HSPA8: variants seen among roughly 807,000 people sequenced by gnomAD.
The protein encoded by HSPA8 is heat shock protein family A (Hsp70) member 8, also known as heat shock cognate 71 kDa protein.
In HSPA8, 2 loss-of-function variants were observed where a neutral mutation model predicts 52.8. The ratio of observed to expected loss-of-function variants is 0.04; its 90% CI spans 0.02 to 0.12. HSPA8 has a LOEUF of 0.12. Among genes scored for constraint, HSPA8 ranks in the 10% least tolerant of loss-of-function variants. The pLI is 1.00. For synonymous variants in HSPA8, 436 were observed against 274.0 expected, an observed-to-expected ratio of 1.59 and a Z score of -5.84; for missense variants, 349 against 800.5, an observed-to-expected ratio of 0.44 and a Z score of 6.81.
chr11:123,061,906 A>T (rs1284007697), intron 1 of HSPA8, 158 bp downstream of exon 1: 2 of 157,644 alleles, frequency 1.3e-5, no homozygotes, highest in East Asian at 3.8e-4. Flanking sequence ...TACCGCTGCC[A>T]TCCCACCGAA....
chr11:123,060,841 C>T (rs373684804), intron 2 of HSPA8, 43 bp from the exon 3 acceptor site: 6 of 1,551,218 alleles, frequency 3.9e-6, no homozygotes, highest in Admixed American at 1.7e-5. Flanking sequence ...TTTCATAGCT[C>T]TTCTGATAAA....
At chr11:123,061,380 C>T (rs1565369804) in intron 1 of HSPA8, 51 bp from the exon 2 acceptor site, 1 of 1,381,602 alleles carries the variant, frequency 7.2e-7, no homozygotes. Context: ...AAAATATTTC[C>T]CTCATCCCTT....
At chr11:123,060,966 G>A in intron 2 of HSPA8, 154 bp downstream of exon 2, 1 of 896,414 alleles carries the variant, frequency 1.1e-6, no homozygotes, top group Non-Finnish European at 1.7e-6. Flanking sequence ...ATTTCAGCCT[G>A]AAAGGTTTCT....
rs570819499 is a variant in HSPA8, at chr11:123,060,752, C to T, written c.252G>A (p.Gln84=). Reference sequence around the variant, plus strand: ...TAAAGGGCCAATGTTTCATATCAGACTGGACAACAGCATCATCAAATCTGC... The same window carrying T: ...TAAAGGGCCAATGTTTCATATCAGATTGGACAACAGCATCATCAAATCTGC... ...IGRRFDDAVV[Q]SDMKHWPFMV... The change falls in exon 3 of 9, where the codon CAG becomes CAA. Residue 84 remains glutamine, a synonymous_variant. Transcript: ENST00000534624. The T allele has an allele frequency of 6.2e-7, 1 of 1,614,068 alleles. No individual in the cohort carries two copies. The highest frequency in any genetic ancestry group is 2.2e-5 in the East Asian group (1 of 44,876).
chr11:123,059,034 A>G (rs1243456089), intron 6 of HSPA8, 25 bp downstream of exon 6: 2 of 1,596,444 alleles, frequency 1.3e-6, no homozygotes, highest in South Asian at 2.2e-5. Flanking sequence ...TCAGTAAGCC[A>G]AACAAGAGAA....
chr11:123,057,696 A>C lies in HSPA8; in HGVS notation c.*38T>G, dbSNP rs781510219. 1 of 1,521,966 alleles carries C rather than the reference A, an allele frequency of 6.6e-7. No homozygotes were observed. 94.3% of individuals were successfully genotyped at this position (1,521,966 alleles called of 1,614,324 possible). A position where few individuals can be genotyped will look rare whatever the true frequency, so the allele number is the denominator to read the frequency against. ...CGAATTTAGGTCCTTCAAATGTTTT[A>C]AATGTGTGGAACAATGCTACATCTA... On this transcript the variant is annotated 3_prime_UTR_variant, in exon 9 of 9. Transcript: ENST00000534624.
In HSPA8 at chr11:123,059,646, G is replaced by A; in HGVS notation, c.947C>T (p.Pro316Leu). Residue 316 changes from proline (P) to leucine (L), a missense_variant, in exon 5 of 9, where the codon CCA becomes CTA. Physicochemically the swap from Pro to Leu is moderately conservative, Grantham distance 98. Coordinates refer to ENST00000534624, the MANE Select transcript of HSPA8 (RefSeq NM_006597.6). ...NADLFRGTLD[P>L]VEKALRDAKL... The stretch of plus-strand genomic sequence containing the variant: ...GGCATCTCGAAGGGCTTTCTCTACT[G>A]GGTCCAGGGTGCCACGGAACAGGTC... The A allele has an allele frequency of 6.2e-7, 1 of 1,614,078 alleles. No homozygotes were observed. Among genetic ancestry groups the A allele is most frequent in the Non-Finnish European group, 8.5e-7 (1 of 1,179,986 alleles).
chr11:123,058,965 C>T (rs1471162815), intron 6 of HSPA8, 94 bp downstream of exon 6: 6 of 1,410,502 alleles, frequency 4.3e-6, no homozygotes, highest in South Asian at 1.2e-5. Context: ...GTGGAAACTA[C>T]GAATGGTTTT....
intron 8 of HSPA8, 110 bp from the exon 9 acceptor site, chr11:123,058,029 C>T (rs1865360914): frequency 2.4e-6 from 2 of 847,538 alleles, no homozygotes; most frequent in African/African-American, 1.7e-5. Context: ...TACAAGAGGG[C>T]CACTACCAAC....
chr11:123,059,896 A>G lies in HSPA8; in HGVS notation c.697T>C (p.Phe233Leu). The G allele has an allele frequency of 6.2e-7, 1 of 1,613,486 alleles. No individual in the cohort carries two copies. Among genetic ancestry groups the G allele is most frequent in the Non-Finnish European group, 8.5e-7 (1 of 1,179,966 alleles). The change falls in exon 5 of 9, where the codon TTT (phenylalanine) becomes CTT (leucine). Residue 233 changes from phenylalanine (F) to leucine (L), a missense_variant. Coordinates refer to ENST00000534624, the MANE Select transcript of HSPA8 (RefSeq NM_006597.6). ...AGDTHLGGED[F>L]DNRMVNHFIA... ...AAATGGTTGACCATTCGGTTGTCAA[A>G]ATCTTCTCCACCCAAGTGGGTGTCT...
intron 1 of HSPA8, 113 bp from the exon 2 acceptor site, chr11:123,061,442 T>C: frequency 5.0e-6 from 4 of 795,936 alleles, no homozygotes; most frequent in Non-Finnish European, 6.2e-6. Context: ...GAGGTAATAG[T>C]GCCCATCACC....
chr11:123,061,497 A>C, intron 1 of HSPA8, 168 bp from the exon 2 acceptor site: 1 of 623,240 alleles, frequency 1.6e-6, no homozygotes, highest in South Asian at 1.9e-5. Flanking sequence ...GCTGCAGTCC[A>C]GGTTGCCGTG....
chr11:123,061,083 G>T, intron 2 of HSPA8, 37 bp downstream of exon 2: 1 of 1,563,488 alleles, frequency 6.4e-7, no homozygotes, highest in Non-Finnish European at 8.8e-7. Flanking sequence ...TCCTAGCCCT[G>T]TTATATTTGT....
Position 123,060,945 on chromosome 11 carries a change from A to G in HSPA8, c.206-147T>C, listed in dbSNP as rs961510289. 9.1e-6 allele frequency: 8 copies of G among 878,934 alleles called. No individual in the cohort carries two copies. The African/African-American group carries it at 1.2e-4, about 13-fold the overall frequency. 54.4% of individuals were successfully genotyped at this position (878,934 alleles called of 1,614,324 possible). A position where few individuals can be genotyped will look rare whatever the true frequency, so the allele number is the denominator to read the frequency against. ...GCAAAGGTTCAAACTTCAACCTCCTACGTTATCCAGATTTCAGCCTGAAAG... is the reference window on the plus strand; with the variant it reads ...GCAAAGGTTCAAACTTCAACCTCCTGCGTTATCCAGATTTCAGCCTGAAAG... On this transcript the variant is annotated intron_variant, in intron 2 of 8. Coordinates refer to ENST00000534624, the MANE Select transcript of HSPA8 (RefSeq NM_006597.6).
chr11:123,057,711 T>C lies in HSPA8; in HGVS notation c.*23A>G. ...CAAATGTTTTAAATGTGTGGAACAA[T>C]GCTACATCTACACTTGGTTGGCTTA... On this transcript the variant is annotated 3_prime_UTR_variant, in exon 9 of 9. Coordinates refer to ENST00000534624, the MANE Select transcript of HSPA8 (RefSeq NM_006597.6). 2.5e-6 allele frequency: 4 copies of C among 1,578,518 alleles called. No individual in the cohort carries two copies. The highest frequency in any genetic ancestry group is 2.6e-6 in the Non-Finnish European group (3 of 1,162,864).
chr11:123,059,436 TG>T, intron 5 of HSPA8, 36 bp downstream of exon 5: 1 of 1,561,022 alleles, frequency 6.4e-7, no homozygotes, highest in South Asian at 1.2e-5. Flanking sequence ...ACCTTGGGCC[TG>T]CCTGCCTTTA....
In HSPA8 at chr11:123,060,279, G is replaced by A. The variant is rs752132618; in HGVS notation, c.412-11C>T. 11 of 1,611,712 alleles carry A rather than the reference G, an allele frequency of 6.8e-6. No homozygotes were observed. The highest frequency in any genetic ancestry group is 6.7e-5 in the African/African-American group (5 of 74,952). ...AGCATTGGTAACAGTCTAGGAATAA[G>A]GAAAAGACCACAGATTGGTAACTAT... On this transcript the variant is annotated splice_polypyrimidine_tract_variant and intron_variant, in intron 3 of 8. Coordinates refer to ENST00000534624, the MANE Select transcript of HSPA8 (RefSeq NM_006597.6).
At chr11:123,060,412 AC>A (rs2135445146) in intron 3 of HSPA8, 144 bp from the exon 4 acceptor site, 1 of 977,160 alleles carries the variant, frequency 1.0e-6, no homozygotes, top group East Asian at 2.5e-5. Context: ...GTCAAGATTC[AC>A]TGGTTTCTGG....
At chr11:123,061,642 A>C (rs1865506751) in intron 1 of HSPA8, 1 of 420,358 alleles carries the variant, frequency 2.4e-6, no homozygotes, top group Non-Finnish European at 4.4e-6. Flanking sequence ...TGCCCCCGGG[A>C]GTCAACGGGC....
Sources: gnomAD v4.1 joint callset for allele counts on GRCh38, gnomAD v4.1.1 for gene constraint, MANE v1.5 for transcripts, NCBI Gene and HGNC (gene_info 2026-07-23, HGNC 2026-07-21) for gene names.